PAPPA: variants seen among roughly 807,000 people sequenced by gnomAD.
The protein encoded by PAPPA is pappalysin-1.
In PAPPA, 60 loss-of-function variants were observed where a neutral mutation model predicts 164.0. The ratio of observed to expected loss-of-function variants is 0.37; its 90% CI spans 0.30 to 0.45. The LOEUF is 0.45. Among genes scored for constraint, PAPPA ranks in the 20% least tolerant of loss-of-function variants. PAPPA has a pLI of 1.00. For synonymous variants in PAPPA, 875 were observed against 814.1 expected, an observed-to-expected ratio of 1.07 and a Z score of -1.27; for missense variants, 1,782 against 2,087.3, an observed-to-expected ratio of 0.85 and a Z score of 2.85.
At chr9:116,365,695 A>G (rs1257047039) in intron 18 of PAPPA, among the ~76,000 whole-genome samples, 1 of 151,626 alleles carries the variant, frequency 6.6e-6, no homozygotes, top group Non-Finnish European at 1.5e-5. Flanking sequence ...TGGTCTCATG[A>G]TAAAGCACAC....
chr9:116,207,645 G>A (rs755289038), intron 3 of PAPPA, 44 bp downstream of exon 3: 1 of 1,477,100 alleles, frequency 6.8e-7, no homozygotes, highest in South Asian at 1.2e-5. Context: ...GAGTAGGACA[G>A]TAATACACTT....
intron 7 of PAPPA, among the ~76,000 whole-genome samples, chr9:116,264,579 C>T (rs764627445): frequency 6.6e-6 from 1 of 152,142 alleles, no homozygotes; most frequent in Non-Finnish European, 1.5e-5. Context: ...ATCTTGTTGG[C>T]CTTAACCAAA....
At chr9:116,275,794 C>A (rs527276383) in intron 9 of PAPPA, among the ~76,000 whole-genome samples, 2 of 152,128 alleles carry the variant, frequency 1.3e-5, no homozygotes, top group East Asian at 3.9e-4. Flanking sequence ...GTAACACCAG[C>A]GTTAGGGTGG....
At chr9:116,391,466 C>A (rs1180699753) in intron 21 of PAPPA, among the ~76,000 whole-genome samples, 1 of 152,214 alleles carries the variant, frequency 6.6e-6, no homozygotes, top group East Asian at 1.9e-4. Context: ...GGCACCCCCA[C>A]CATGCTCTGC....
In PAPPA at chr9:116,267,584, G is replaced by T. The variant is rs189981333; in HGVS notation, c.2861+1599G>T. Among the ~76,000 whole-genome samples, 4 of 152,258 alleles carry T rather than the reference G, an allele frequency of 2.6e-5. No individual in the cohort carries two copies. In the East Asian group the frequency reaches 5.8e-4, roughly 22 times the overall value. On this transcript the variant is annotated intron_variant, in intron 8 of 21. Transcript: ENST00000328252. ...ATACCAACTCAAGTTTTTAAAATAA[G>T]AAATGGCGGCCGGGTGCGGTGGCTC...
intron 7 of PAPPA, among the ~76,000 whole-genome samples, chr9:116,250,786 A>G (rs556649125): frequency 3.0e-4 from 45 of 152,218 alleles, no homozygotes; most frequent in Non-Finnish European, 5.6e-4. Flanking sequence ...CAGCCATTCA[A>G]TGGCAGAACA....
intron 2 of PAPPA, among the ~76,000 whole-genome samples, chr9:116,188,975 C>A: frequency 6.6e-6 from 1 of 152,132 alleles, no homozygotes; most frequent in South Asian, 2.1e-4. Flanking sequence ...CATTACTTGT[C>A]TAATGAAAGG....
chr9:116,354,158 C>T (rs1482546707), intron 17 of PAPPA, among the ~76,000 whole-genome samples: 1 of 152,072 alleles, frequency 6.6e-6, no homozygotes, highest in Non-Finnish European at 1.5e-5. Flanking sequence ...TCAATTGGCT[C>T]CTGAAGCATA....
chr9:116,162,121 G>A (rs956716634), intron 1 of PAPPA, among the ~76,000 whole-genome samples: 3 of 152,182 alleles, frequency 2.0e-5, no homozygotes, highest in African/African-American at 7.2e-5. Context: ...GGGAATAAAA[G>A]TGATGAGGGG....
rs115476037 is a variant in PAPPA, at chr9:116,204,441, C to T, written c.1479-3015C>T. 6.3e-3 allele frequency among the ~76,000 whole-genome samples: 958 copies of T among 152,214 alleles called. 12 individuals carry two copies. The highest frequency in any genetic ancestry group is 0.022 in the African/African-American group (922 of 41,548). The stretch of plus-strand genomic sequence containing the variant: ...TTTTGGTTTTGTTTTAAGAGATGGC[C>T]TATTGCTCTATTGCCCAAGTGGGAG... On this transcript the variant is annotated intron_variant, in intron 2 of 21. Transcript: ENST00000328252.
chr9:116,269,448 C>G (rs1360933567), intron 8 of PAPPA, among the ~76,000 whole-genome samples: 1 of 152,148 alleles, frequency 6.6e-6, no homozygotes, highest in Non-Finnish European at 1.5e-5. Context: ...ATGATGAAGA[C>G]TCTGTCACTT....
chr9:116,298,652 C>T (rs182680561), intron 9 of PAPPA, among the ~76,000 whole-genome samples: 173 of 152,242 alleles, frequency 1.1e-3, no homozygotes, highest in African/African-American at 3.8e-3. Context: ...GTATATACAT[C>T]GGGGATGCCA....
Position 116,201,779 on chromosome 9 carries a change from T to C in PAPPA, c.1479-5677T>C, listed in dbSNP as rs965131664. ...GAAGAAGGAGGATTTGAACGCCAGT[T>C]TGTCTCTCTCTTAAAATCACCCTCT... On this transcript the variant is annotated intron_variant, in intron 2 of 21. Transcript: ENST00000328252. Among the ~76,000 whole-genome samples, 137 of 152,348 alleles carry C rather than the reference T, an allele frequency of 9.0e-4. 1 individual carries two copies. The highest frequency in any genetic ancestry group is 3.2e-3 in the African/African-American group (134 of 41,578).
intron 19 of PAPPA, among the ~76,000 whole-genome samples, chr9:116,377,232 T>C: frequency 6.7e-6 from 1 of 150,148 alleles, no homozygotes; most frequent in African/African-American, 2.5e-5. Context: ...ACACCCCTCC[T>C]CCCCCCACCT....
chr9:116,204,015 C>T (rs1359966122), intron 2 of PAPPA, among the ~76,000 whole-genome samples: 1 of 152,126 alleles, frequency 6.6e-6, no homozygotes, highest in African/African-American at 2.4e-5. Flanking sequence ...ACTGGGAGAG[C>T]CACGCAGAGG....
At chr9:116,349,130 C>T (rs946512238) in intron 15 of PAPPA, among the ~76,000 whole-genome samples, 4 of 150,266 alleles carry the variant, frequency 2.7e-5, no homozygotes, top group Non-Finnish European at 5.9e-5. Flanking sequence ...AGTCTACCCC[C>T]CTGCTCCTTG....
At chr9:116,395,388 C>G (rs558745368) in intron 21 of PAPPA, among the ~76,000 whole-genome samples, 2 of 152,316 alleles carry the variant, frequency 1.3e-5, no homozygotes, top group East Asian at 3.9e-4. Context: ...CAAAGATTCT[C>G]TCTGAGACTA....
intron 21 of PAPPA, among the ~76,000 whole-genome samples, chr9:116,386,069 A>G (rs2118712649): frequency 6.6e-6 from 1 of 152,306 alleles, no homozygotes; most frequent in East Asian, 1.9e-4. Flanking sequence ...GGTTGGGGGT[A>G]GAAGGGGAAA....
intron 9 of PAPPA, among the ~76,000 whole-genome samples, chr9:116,278,732 C>T (rs914958786): frequency 2.0e-5 from 3 of 151,798 alleles, no homozygotes; most frequent in Admixed American, 1.3e-4. Context: ...AGCTTGAGTT[C>T]AAATGTCTAT....
Sources: gnomAD v4.1 joint callset for allele counts (sites outside exome capture counted in the v4.1 genomes callset) on GRCh38, gnomAD v4.1.1 for gene constraint, MANE v1.5 for transcripts, NCBI Gene and HGNC (gene_info 2026-07-23, HGNC 2026-07-21) for gene names.